Variants in GPC3 observed in about 807,000 individuals in gnomAD.
The protein encoded by GPC3 is glypican 3.
A neutral mutation model predicts 34.4 loss-of-function variants in GPC3; 3 were observed. The observed-to-expected ratio is 0.09, with a 90% confidence interval of 0.04 to 0.23. GPC3 has a LOEUF of 0.23. GPC3 is among the 10% of genes least tolerant of loss of function. GPC3 has a pLI of 1.00. For synonymous variants in GPC3, 177 were observed against 174.0 expected, an observed-to-expected ratio of 1.02 and a Z score of -0.13; for missense variants, 351 against 445.6, an observed-to-expected ratio of 0.79 and a Z score of 1.91.
intron 3 of GPC3, among the ~76,000 whole-genome samples, chrX:133,725,502 A>G (rs994849522): frequency 8.9e-6 from 1 of 112,488 alleles, no homozygotes; most frequent in African/African-American, 3.2e-5. Context: ...GCAGCTGCAC[A>G]ATTCCATTTG....
intron 6 of GPC3, among the ~76,000 whole-genome samples, chrX:133,660,264 A>G: frequency 8.9e-6 from 1 of 112,561 alleles, no homozygotes; most frequent in South Asian, 3.7e-4. Flanking sequence ...AAAAACTCAT[A>G]CCAATGTCTT....
At chrX:133,770,863 A>G (rs2071910070) in intron 2 of GPC3, among the ~76,000 whole-genome samples, 1 of 112,105 alleles carries the variant, frequency 8.9e-6, no homozygotes, top group Non-Finnish European at 1.9e-5. Context: ...ATTTTCTTCT[A>G]GGAGTTTCAC....
intron 3 of GPC3, chrX:133,704,054 T>C: frequency 6.5e-6 from 2 of 309,870 alleles, no homozygotes; most frequent in Non-Finnish European, 5.7e-6. Context: ...TTGGGCTGCA[T>C]GCAGCCTGCA....
chrX:133,710,188 A>G (rs2071254616), intron 3 of GPC3, among the ~76,000 whole-genome samples: 1 of 112,235 alleles, frequency 8.9e-6, no homozygotes, highest in South Asian at 3.8e-4. Flanking sequence ...CAAAAAAGGA[A>G]CAAATGTCCT....
intron 7 of GPC3, among the ~76,000 whole-genome samples, chrX:133,564,056 A>C (rs1385876689): frequency 1.8e-5 from 2 of 111,034 alleles, no homozygotes; most frequent in Non-Finnish European, 3.8e-5. Context: ...GTGATACGCC[A>C]CTGTTAGTTT....
chrX:133,901,988 C>T (rs759675267), intron 2 of GPC3, among the ~76,000 whole-genome samples: 1 of 111,850 alleles, frequency 8.9e-6, no homozygotes, highest in Admixed American at 9.5e-5. Context: ...AGAACTGTGC[C>T]TGACATAGAA....
At chrX:133,805,369 A>G (rs1345131458) in intron 2 of GPC3, among the ~76,000 whole-genome samples, 1 of 111,404 alleles carries the variant, frequency 9.0e-6, no homozygotes, top group Admixed American at 9.6e-5. Flanking sequence ...TCAGAAAAGG[A>G]ATTGAACCAG....
intron 2 of GPC3, among the ~76,000 whole-genome samples, chrX:133,898,676 G>A (rs1416033921): frequency 1.8e-5 from 2 of 112,038 alleles, no homozygotes; most frequent in Non-Finnish European, 3.8e-5. Flanking sequence ...GAAACACAAT[G>A]TGATTGAGCT....
chrX:133,880,314 T>G (rs1246100293), intron 2 of GPC3, among the ~76,000 whole-genome samples: 2 of 112,115 alleles, frequency 1.8e-5, no homozygotes, highest in African/African-American at 6.5e-5. Context: ...CCTATTAATA[T>G]GAGTTGAAAG....
At chrX:133,582,856 G>A (rs2069746277) in intron 7 of GPC3, among the ~76,000 whole-genome samples, 1 of 110,970 alleles carries the variant, frequency 9.0e-6, no homozygotes, top group Non-Finnish European at 1.9e-5. Context: ...TGACAATACA[G>A]CAATCAGCAC....
chrX:133,861,086 T>A (rs992541859), intron 2 of GPC3, among the ~76,000 whole-genome samples: 2 of 111,119 alleles, frequency 1.8e-5, no homozygotes, highest in African/African-American at 3.3e-5. Context: ...CAAAGTGAGA[T>A]CCTGTCTCAA....
intron 2 of GPC3, among the ~76,000 whole-genome samples, chrX:133,791,570 T>C (rs1179411732): frequency 1.8e-5 from 2 of 111,352 alleles, no homozygotes; most frequent in Non-Finnish European, 3.8e-5. Flanking sequence ...GAACATTGGC[T>C]TTGGAATCAG....
rs369378252 is a variant in GPC3 at position 133,540,915 on chromosome X, GGTGTGTGT to G, written c.1574-4630_1574-4623del. Among the ~76,000 whole-genome samples, 100 of 91,688 alleles carry G rather than the reference GGTGTGTGT, an allele frequency of 1.1e-3. 1 individual carries two copies. Among genetic ancestry groups the G allele is most frequent in the African/African-American group, 2.9e-3 (72 of 24,510 alleles). The allele number at this position is 91,688 out of a possible 115,157, so 79.6% of individuals were successfully genotyped here. ...GGAGCCACAGAATGGACATTGTTGTGGTGTGTGTGTGTGTGTGTGTGTGTGTGTGTGTG... is the reference window on the plus strand; with the variant it reads ...GGAGCCACAGAATGGACATTGTTGTGGTGTGTGTGTGTGTGTGTGTGTGTG... On this transcript the variant is annotated intron_variant, in intron 7 of 7. Transcript: ENST00000370818.
At chrX:133,572,925 A>T (rs2069645953) in intron 7 of GPC3, among the ~76,000 whole-genome samples, 1 of 111,956 alleles carries the variant, frequency 8.9e-6, no homozygotes, top group African/African-American at 3.2e-5. Context: ...CATTACTGTG[A>T]TACCAAAGCT....
chrX:133,694,511 T>A (rs898290811), intron 4 of GPC3, among the ~76,000 whole-genome samples: 9 of 111,045 alleles, frequency 8.1e-5, no homozygotes, highest in Admixed American at 1.9e-4. Flanking sequence ...TTTTACAAGG[T>A]AATAATACAG....
At chrX:133,731,429 A>AT (rs1313346450) in intron 3 of GPC3, among the ~76,000 whole-genome samples, 4 of 112,597 alleles carry the variant, frequency 3.6e-5, no homozygotes, top group African/African-American at 1.3e-4. Context: ...GTATTTACAG[A>AT]TTTTTTTCTT....
chrX:133,710,154 T>G (rs2124445710), intron 3 of GPC3, among the ~76,000 whole-genome samples: 1 of 112,347 alleles, frequency 8.9e-6, no homozygotes, highest in East Asian at 2.8e-4. Context: ...TCATACATGT[T>G]AGTTCTTGAA....
chrX:133,899,520 T>C (rs1294807190), intron 2 of GPC3, among the ~76,000 whole-genome samples: 3 of 111,763 alleles, frequency 2.7e-5, no homozygotes, highest in Non-Finnish European at 5.6e-5. Context: ...TTCCTCAAAC[T>C]GCGTATCATC....
chrX:133,901,587 C>T (rs1456170207), intron 2 of GPC3, among the ~76,000 whole-genome samples: 6 of 110,633 alleles, frequency 5.4e-5, no homozygotes, highest in East Asian at 2.8e-4. Flanking sequence ...ACTACAGGCC[C>T]GCACCACCAC....
Sources: allele counts gnomAD v4.1 joint callset (sites outside exome capture counted in the v4.1 genomes callset), GRCh38; gene constraint gnomAD v4.1.1; transcripts MANE v1.5; gene names NCBI Gene and HGNC (gene_info 2026-07-23, HGNC 2026-07-21).